SLC25A41: variants seen among roughly 807,000 people sequenced by gnomAD.
The protein encoded by SLC25A41 is mitochondrial carrier protein SCaMC-3L.
SLC25A41 carries 35 observed loss-of-function variants against 34.7 expected under a neutral mutation model. The ratio of observed to expected loss-of-function variants is 1.01; its 90% CI spans 0.77 to 1.34. The LOEUF is 1.34. SLC25A41 is among the 40% of genes most tolerant of loss of function. The probability of loss-of-function intolerance (pLI) is 0.00; values close to 1 mark genes in which losing one functional copy is unlikely to be tolerated. For synonymous variants in SLC25A41, 190 were observed against 209.9 expected, an observed-to-expected ratio of 0.91 and a Z score of 0.82; for missense variants, 492 against 489.8, an observed-to-expected ratio of 1.00 and a Z score of -0.04.
chr19:6,433,480 A>C lies in SLC25A41; in HGVS notation c.207+7T>G. ...GGTGCCGGGACACTGGTGTTTCCTA[A>C]ACTCACCTGCTGTGACGGGAGATGT... On this transcript the variant is annotated splice_region_variant and intron_variant, in intron 1 of 6. Transcript: ENST00000321510. 6.2e-7 allele frequency: 1 copy of C among 1,611,822 alleles called. No homozygotes were observed. The highest frequency in any genetic ancestry group is 8.5e-7 in the Non-Finnish European group (1 of 1,179,780).
chr19:6,435,657 G>A (rs1051663976), upstream of SLC25A41, among the ~76,000 whole-genome samples: 2 of 152,018 alleles, frequency 1.3e-5, no homozygotes, highest in Admixed American at 1.3e-4. Flanking sequence ...AGGAGTTCAA[G>A]ACCAGCCTGG....
chr19:6,432,190 T>C lies in SLC25A41; in HGVS notation c.222A>G (p.Gly74=). The part of the protein sequence containing the change: ...HLPSQQVLDT[G]EQLMVPVEVL... ...CTTCCACGGGGACCATCAGCTGCTC[T>C]CCTGTGTCCAGTACCTGCAGGGCAG... The change falls in exon 2 of 7, where the codon GGA becomes GGG. Residue 74 remains glycine (G), a synonymous_variant. Transcript: ENST00000321510. The C allele has an allele frequency of 6.2e-7, 1 of 1,613,702 alleles. No homozygotes were observed. The highest frequency in any genetic ancestry group is 8.5e-7 in the Non-Finnish European group (1 of 1,179,734).
At position 6,426,447 on chromosome 19, in the gene SLC25A41, G is replaced by A. The variant is rs767755985; in HGVS notation, c.1055C>T (p.Pro352Leu). 8 of 1,613,710 alleles carry A rather than the reference G, an allele frequency of 5.0e-6. No homozygotes were observed. In the Admixed American group the frequency reaches 1.3e-4, roughly 27 times the overall value. Residue 352 changes from proline to leucine, a missense_variant, in exon 7 of 7, where the codon CCA becomes CTA. By Grantham distance (98) the Pro-to-Leu change is moderately conservative (BLOSUM62 -3). Transcript: ENST00000321510. ...CACCACATAGCTGATGCCACCTGCT[G>A]GTAAGACCTTCAGTAGCGTGGGGGT... is the stretch of plus-strand genomic sequence containing the variant. ...GMTPTLLKVL[P>L]AGGISYVVYE...
rs1210007640 is a variant in SLC25A41, at chr19:6,433,696, A to T, written c.-3T>A. 1 of 1,545,074 alleles carries T rather than the reference A, an allele frequency of 6.5e-7. No individual in the cohort carries two copies. Among genetic ancestry groups the T allele is most frequent in the Non-Finnish European group, 8.8e-7 (1 of 1,142,090 alleles). ...GGTTCCCCAGGCTGAGCGCCCATGG[A>T]GGAAGTTAGGACACCTGGCTTCAAA... On this transcript the variant is annotated 5_prime_UTR_variant, in exon 1 of 7. Transcript: ENST00000321510.
At position 6,426,558 on chromosome 19, in the gene SLC25A41, G is replaced by C; in HGVS notation, c.944C>G (p.Thr315Ser). The change falls in exon 7 of 7, where the codon ACC (threonine) becomes AGC (serine). Residue 315 changes from threonine to serine, a missense_variant. Coordinates refer to ENST00000321510, the MANE Select transcript of SLC25A41 (RefSeq NM_173637.4). ...LVRTRMQAQDTVEGSNPTMRG... is the reference protein window; with the variant it reads ...LVRTRMQAQDSVEGSNPTMRG... ...CATGGTGGGATTTGAGCCCTCCACG[G>C]TATCTGCAGGGACACAGGCAAGATC... is the stretch of plus-strand genomic sequence containing the variant. 6.2e-7 allele frequency: 1 copy of C among 1,612,444 alleles called. No individual in the cohort carries two copies. Among genetic ancestry groups the C allele is most frequent in the Non-Finnish European group, 8.5e-7 (1 of 1,179,512 alleles).
At chr19:6,429,501 G>A (rs369875552) in intron 4 of SLC25A41, among the ~76,000 whole-genome samples, 1 of 71,650 alleles carries the variant, frequency 1.4e-5, no homozygotes, top group East Asian at 4.6e-4. Flanking sequence ...GAGGGAGAAA[G>A]GAGGAGGAGG....
rs1223118349 is a variant in SLC25A41, at chr19:6,426,296, C to T, written c.*93G>A. 3.7e-6 allele frequency: 5 copies of T among 1,365,788 alleles called. No individual in the cohort carries two copies. The highest frequency in any genetic ancestry group is 3.9e-6 in the Non-Finnish European group (4 of 1,023,646). The allele number at this position is 1,365,788 out of a possible 1,614,324, so 84.6% of individuals were successfully genotyped here. On this transcript the variant is annotated 3_prime_UTR_variant, in exon 7 of 7. Coordinates refer to ENST00000321510, the MANE Select transcript of SLC25A41 (RefSeq NM_173637.4). ...TTGCCACCAAAAACTGCCCCAGGGC[C>T]TGAACCTTGAGGCCTCGAGGGCTCT...
At chr19:6,426,664 A>G (rs987776983) in intron 6 of SLC25A41, 103 bp from the exon 7 acceptor site, 3 of 1,223,402 alleles carry the variant, frequency 2.5e-6, no homozygotes, top group African/African-American at 1.5e-5. Flanking sequence ...TAGGGGCCCC[A>G]GGGGTCAGTA....
chr19:6,426,965 CA>C, intron 6 of SLC25A41, 137 bp downstream of exon 6: 1 of 925,246 alleles, frequency 1.1e-6, no homozygotes, highest in Non-Finnish European at 1.6e-6. Context: ...TTTTGAGACG[CA>C]GTCTCAAAAG....
chr19:6,428,677 T>C (rs1330650180), intron 4 of SLC25A41, among the ~76,000 whole-genome samples: 2 of 147,254 alleles, frequency 1.4e-5, no homozygotes, highest in Admixed American at 6.9e-5. Flanking sequence ...AAGTAAGGTA[T>C]ATAATATATG....
At chr19:6,433,847 C>T (rs764380995), upstream of SLC25A41, 18 of 520,600 alleles carry the variant, frequency 3.5e-5, no homozygotes, top group African/African-American at 1.2e-4. Flanking sequence ...TGGTGGGCAG[C>T]GTGATGGCCC....
chr19:6,430,186 G>GAGCC, intron 2 of SLC25A41, 25 bp from the exon 3 acceptor site: 3 of 1,596,710 alleles, frequency 1.9e-6, no homozygotes, highest in Non-Finnish European at 2.6e-6. Flanking sequence ...GACCCTGGAG[G>GAGCC]AGCCCCTGCT....
At position 6,427,410 on chromosome 19, in the gene SLC25A41, C is replaced by T. The variant is rs773037334; in HGVS notation, c.716G>A (p.Arg239His). Residue 239 changes from arginine (R) to histidine (H), a missense_variant, in exon 5 of 7, where the codon CGC becomes CAC. By Grantham distance (29) the Arg-to-His change is conservative. Transcript: ENST00000321510. The surrounding 1 kb of genome is among the most constrained non-coding windows in gnomAD (Gnocchi z 4.9). ...GGGCAGGTAGCCGCGGTAAAGGGCG[C>T]GGGTGCCCTCTCGCTGCAAGATCTG... ...ARQILQREGT[R>H]ALYRGYLPNM... The T allele has an allele frequency of 1.2e-5, 19 of 1,610,334 alleles. No homozygotes were observed. The highest frequency in any genetic ancestry group is 2.2e-5 in the East Asian group (1 of 44,810).
At chr19:6,428,006 G>C (rs930579454) in intron 4 of SLC25A41, among the ~76,000 whole-genome samples, 24 of 152,226 alleles carry the variant, frequency 1.6e-4, no homozygotes, top group African/African-American at 5.8e-4. Flanking sequence ...GAAAGAAAGA[G>C]AGTGAATAGG....
upstream of SLC25A41, chr19:6,436,078 A>T (rs763418564): frequency 6.2e-6 from 1 of 161,600 alleles, no homozygotes; most frequent in Non-Finnish European, 1.4e-5. Context: ...TGACAAAATC[A>T]TATACATGTA....
chr19:6,429,120 T>G (rs796622960), intron 4 of SLC25A41, among the ~76,000 whole-genome samples: 12 of 34,404 alleles, frequency 3.5e-4, no homozygotes, highest in African/African-American at 1.7e-3. Context: ...ATATATATAT[T>G]ATATATATGT....
chr19:6,429,429 AAGG>A (rs1352855247), intron 4 of SLC25A41, among the ~76,000 whole-genome samples: 1 of 65,258 alleles, frequency 1.5e-5, no homozygotes, highest in African/African-American at 6.7e-5. Flanking sequence ...AGAAGGGAGA[AAGG>A]AGGAGGGAAG....
chr19:6,431,906 A>G, intron 2 of SLC25A41, 143 bp downstream of exon 2: 2 of 977,680 alleles, frequency 2.0e-6, no homozygotes, highest in South Asian at 3.8e-5. Context: ...CCACAACCTC[A>G]ATCTCAGCTA....
chr19:6,432,305 C>G (rs2092289012), intron 1 of SLC25A41, 101 bp from the exon 2 acceptor site: 1 of 1,308,164 alleles, frequency 7.6e-7, no homozygotes. Flanking sequence ...CCACCCTGTT[C>G]CCCCAAGTCT....
Sources: allele counts gnomAD v4.1 joint callset (sites outside exome capture counted in the v4.1 genomes callset), GRCh38; gene constraint gnomAD v4.1.1; non-coding constraint Gnocchi (gnomAD v3.1); transcripts MANE v1.5; gene names NCBI Gene and HGNC (gene_info 2026-07-23, HGNC 2026-07-21).